The following HDAC5 variants were observed in gnomAD, a reference collection of about 807,000 sequenced individuals.
HDAC5 encodes antigen NY-CO-9.
In HDAC5, 25 loss-of-function variants were observed where a neutral mutation model predicts 133.3. That is an observed-to-expected ratio of 0.19 (90% CI 0.14 to 0.26). HDAC5 has a LOEUF of 0.26. Among genes scored for constraint, HDAC5 ranks in the 10% least tolerant of loss-of-function variants. HDAC5 has a pLI of 1.00. For synonymous variants in HDAC5, 589 were observed against 610.8 expected (o/e 0.96, Z 0.53); for missense variants, 1,041 against 1,460.5 (o/e 0.71, Z 4.68).
At chr17:44,099,180 G>T (rs1402486869) in intron 3 of HDAC5, among the ~76,000 whole-genome samples, 1 of 152,138 alleles carries the variant, frequency 6.6e-6, no homozygotes, top group Non-Finnish European at 1.5e-5. Context: ...ACAAGGACCT[G>T]GGTCCTTCCC....
chr17:44,096,816 G>A (rs1358619532), intron 3 of HDAC5, among the ~76,000 whole-genome samples: 1 of 150,970 alleles, frequency 6.6e-6, no homozygotes, highest in Non-Finnish European at 1.5e-5. Context: ...CCGCCTCCTG[G>A]GTTCAAGCAA....
At chr17:44,108,879 G>T (rs1186716488) in intron 3 of HDAC5, among the ~76,000 whole-genome samples, 1 of 150,926 alleles carries the variant, frequency 6.6e-6, no homozygotes. Flanking sequence ...CCCTCTCCCC[G>T]AGCCGCTGAG....
At chr17:44,116,657 CGAG>C (rs755679258) in intron 2 of HDAC5, among the ~76,000 whole-genome samples, 22 of 152,126 alleles carry the variant, frequency 1.4e-4, no homozygotes, top group African/African-American at 4.8e-4. Flanking sequence ...AGGAGACACC[CGAG>C]GAGGAGGAGA....
intron 1 of HDAC5, among the ~76,000 whole-genome samples, chr17:44,122,497 G>A (rs1481858672): frequency 6.6e-6 from 1 of 152,154 alleles, no homozygotes; most frequent in Non-Finnish European, 1.5e-5. Context: ...CTGACTGAGT[G>A]ATGGGTCCCT....
chr17:44,078,362 T>A lies in HDAC5; in HGVS notation c.*14A>T. ...ATCACAATGGTGAAGCCCAGAGGGATGGGGGCCGGGGCGTCACAGGGCAGG... is the reference window on the plus strand; with the variant it reads ...ATCACAATGGTGAAGCCCAGAGGGAAGGGGGCCGGGGCGTCACAGGGCAGG... On this transcript the variant is annotated 3_prime_UTR_variant, in exon 27 of 27. Coordinates refer to ENST00000682912, the MANE Select transcript of HDAC5 (RefSeq NM_005474.5). 6.6e-7 allele frequency: 1 copy of A among 1,524,656 alleles called. No individual in the cohort carries two copies. The highest frequency in any genetic ancestry group is 8.8e-7 in the Non-Finnish European group (1 of 1,139,464). The allele number at this position is 1,524,656 out of a possible 1,614,324, so 94.4% of individuals were successfully genotyped here. A position where few individuals can be genotyped will look rare whatever the true frequency, so the allele number is the denominator to read the frequency against.
At chr17:44,106,390 T>C (rs1469752536) in intron 3 of HDAC5, among the ~76,000 whole-genome samples, 2 of 152,122 alleles carry the variant, frequency 1.3e-5, no homozygotes, top group Admixed American at 1.3e-4. Context: ...GTTCCTGTGC[T>C]CTAGGAGCAC....
chr17:44,111,644 AGTTCTAAT>A, intron 2 of HDAC5: 1 of 517,992 alleles, frequency 1.9e-6, no homozygotes, highest in East Asian at 5.5e-5. Context: ...CCTTCCCTGG[AGTTCTAAT>A]AGCCCCATGG....
chr17:44,115,345 A>G (rs1309077763), intron 2 of HDAC5, among the ~76,000 whole-genome samples: 1 of 152,102 alleles, frequency 6.6e-6, no homozygotes, highest in African/African-American at 2.4e-5. Flanking sequence ...CCCACCTCTT[A>G]TCTCCTGCCC....
chr17:44,088,369 T>C lies in HDAC5; in HGVS notation c.1599+18A>G, dbSNP rs975547140. 3.6e-5 allele frequency: 56 copies of C among 1,546,278 alleles called. No homozygotes were observed. Among genetic ancestry groups the C allele is most frequent in the Non-Finnish European group, 4.7e-5 (54 of 1,146,362 alleles). ...TGCCCCCACCACAGCCCCAGGCCATTCACCTTTCCAGGCTCACCTTGCCCA... is the reference window on the plus strand; with the variant it reads ...TGCCCCCACCACAGCCCCAGGCCATCCACCTTTCCAGGCTCACCTTGCCCA... On this transcript the variant is annotated intron_variant, in intron 12 of 26. Transcript: ENST00000682912.
At chr17:44,112,171 C>T (rs980433687) in intron 2 of HDAC5, among the ~76,000 whole-genome samples, 3 of 152,110 alleles carry the variant, frequency 2.0e-5, no homozygotes, top group Admixed American at 6.5e-5. Flanking sequence ...TTAACAGGTA[C>T]AATGACCCCT....
intron 6 of HDAC5, 22 bp from the exon 7 acceptor site, chr17:44,092,828 G>GGGGGGGGC: frequency 1.0e-5 from 6 of 596,606 alleles, no homozygotes; most frequent in East Asian, 3.5e-5. Flanking sequence ...GGGGGGTGGG[G>GGGGGGGGC]ATGGAAGCAG....
intron 3 of HDAC5, among the ~76,000 whole-genome samples, chr17:44,105,455 C>T (rs1318187757): frequency 6.6e-6 from 1 of 152,208 alleles, no homozygotes; most frequent in African/African-American, 2.4e-5. Context: ...GGGTACAAAG[C>T]TACAGGCAAG....
intron 11 of HDAC5, among the ~76,000 whole-genome samples, chr17:44,089,361 C>T (rs1197310637): frequency 1.3e-5 from 2 of 152,036 alleles, no homozygotes; most frequent in African/African-American, 4.8e-5. Context: ...GTAATCCCAG[C>T]GCTTTGGGAG....
intron 23 of HDAC5, among the ~76,000 whole-genome samples, chr17:44,079,841 G>C (rs2050307445): frequency 1.3e-5 from 2 of 152,082 alleles, no homozygotes; most frequent in Admixed American, 6.6e-5. Flanking sequence ...GAGCATCACT[G>C]AAACACCAGG....
intron 16 of HDAC5, 52 bp from the exon 17 acceptor site, chr17:44,083,906 C>T (rs2050517830): frequency 1.3e-6 from 2 of 1,495,544 alleles, no homozygotes; most frequent in Non-Finnish European, 1.9e-6. Context: ...GGCGGATCAC[C>T]TGAGGTCAGG....
intron 20 of HDAC5, chr17:44,082,231 A>C (rs2050427923): frequency 3.4e-6 from 1 of 294,776 alleles, no homozygotes; most frequent in African/African-American, 2.1e-5. Flanking sequence ...TTCCTGGTAT[A>C]CAGTCTGCTC....
rs375630512 is a variant in HDAC5, at chr17:44,090,461, G to A, written c.1387+809C>T. On this transcript the variant is annotated intron_variant, in intron 11 of 26. Coordinates refer to ENST00000682912, the MANE Select transcript of HDAC5 (RefSeq NM_005474.5). ...GCGATCTCGGCTCACTGCAACCTCC[G>A]CCTCCTGGGTTCAAGCAATTTTCCT... Among the ~76,000 whole-genome samples the A allele has an allele frequency of 4.2e-4, 63 of 151,762 alleles. No homozygotes were observed. In the South Asian group the frequency reaches 0.011, roughly 27 times the overall value.
intron 11 of HDAC5, among the ~76,000 whole-genome samples, chr17:44,089,332 G>A (rs1228630857): frequency 6.6e-6 from 1 of 152,176 alleles, no homozygotes; most frequent in East Asian, 1.9e-4. Context: ...TGGGCAGCTG[G>A]GTGCGGTGGC....
intron 3 of HDAC5, among the ~76,000 whole-genome samples, chr17:44,096,911 G>A (rs1004427613): frequency 8.7e-5 from 13 of 149,104 alleles, no homozygotes; most frequent in South Asian, 2.1e-4. Flanking sequence ...TAGTAGAAAC[G>A]GGGTTTCACC....
Sources: gnomAD v4.1 joint callset for allele counts (sites outside exome capture counted in the v4.1 genomes callset) on GRCh38, gnomAD v4.1.1 for gene constraint, MANE v1.5 for transcripts, NCBI Gene and HGNC (gene_info 2026-07-23, HGNC 2026-07-21) for gene names.